The following UBALD1 variants were observed in gnomAD, a reference collection of about 807,000 sequenced individuals.
UBALD1 encodes UBA-like domain-containing protein 1.
In UBALD1, 5 loss-of-function variants were observed where a neutral mutation model predicts 16.1. The ratio of observed to expected loss-of-function variants is 0.31; its 90% CI spans 0.16 to 0.66. UBALD1 has a LOEUF of 0.66. UBALD1 is among the 30% of genes least tolerant of loss of function. UBALD1 has a pLI of 0.77. For synonymous variants in UBALD1, 146 were observed against 105.3 expected, an observed-to-expected ratio of 1.39 and a Z score of -2.37; for missense variants, 220 against 252.8, an observed-to-expected ratio of 0.87 and a Z score of 0.88.
intron 1 of UBALD1, among the ~76,000 whole-genome samples, chr16:4,611,849 C>T (rs1179164266): frequency 2.0e-5 from 3 of 152,076 alleles, no homozygotes; most frequent in Non-Finnish European, 4.4e-5. Context: ...TGAGGGAGCC[C>T]CACAAGTATT....
intron 2 of UBALD1, chr16:4,610,240 A>G (rs1156264359): frequency 4.2e-6 from 3 of 711,462 alleles, no homozygotes; most frequent in African/African-American, 3.5e-5. Context: ...CAGCCACAGC[A>G]TCCCCGGGGG....
In UBALD1 at chr16:4,610,445, C is replaced by T. The variant is rs762185397; in HGVS notation, c.183+48G>A. The T allele has an allele frequency of 4.8e-5, 75 of 1,556,374 alleles. 1 individual carries two copies. In the Admixed American group the frequency reaches 8.5e-4, roughly 18 times the overall value. On this transcript the variant is annotated intron_variant, in intron 2 of 2. Transcript: ENST00000283474. ...GGGCTGCTTATACACAGAACTAGCT[C>T]GGCCTCCTTCCGCCCAATCCAGAAC...
rs779089282 is a variant in UBALD1 at position 4,609,768 on chromosome 16, G to A, written c.399C>T (p.Gly133=). The change falls in exon 3 of 3, where the codon GGC becomes GGT. Residue 133 remains glycine, a synonymous_variant. Transcript: ENST00000283474. ...SWPTAASPPG[G]PQHHQPQPPL... is the part of the protein sequence containing the mutation. ...GCGGCTGTGGCTGGTGGTGCTGTGG[G>A]CCCCCCGGGGGCGAGGCCGCCGTGG... is the stretch of plus-strand genomic sequence containing the variant. 5 of 1,505,656 alleles carry A rather than the reference G, an allele frequency of 3.3e-6. No individual in the cohort carries two copies. The South Asian group carries it at 4.0e-5, about 12-fold the overall frequency. 93.3% of individuals were successfully genotyped at this position (1,505,656 alleles called of 1,614,324 possible).
chr16:4,614,839 G>T lies in UBALD1; in HGVS notation c.-42C>A. The T allele has an allele frequency of 6.9e-7, 1 of 1,456,044 alleles. No homozygotes were observed. 90.2% of individuals were successfully genotyped at this position (1,456,044 alleles called of 1,614,324 possible). A position where few individuals can be genotyped will look rare whatever the true frequency, so the allele number is the denominator to read the frequency against. On this transcript the variant is annotated 5_prime_UTR_variant, in exon 1 of 3. Coordinates refer to ENST00000283474, the MANE Select transcript of UBALD1 (RefSeq NM_145253.3). ...CCGCTCCGGCCTCCCTCCTCCGCCC[G>T]CGCCTCCGCCTCACGCGTCCACCAT...
At chr16:4,610,947 C>T (rs187100842) in intron 1 of UBALD1, 11 of 400,670 alleles carry the variant, frequency 2.7e-5, no homozygotes, top group African/African-American at 2.1e-5. Flanking sequence ...CACCCTGCCC[C>T]GTTTCAGGAG....
In UBALD1 at chr16:4,614,826, C is replaced by T; in HGVS notation, c.-29G>A. 6.8e-7 allele frequency: 1 copy of T among 1,480,168 alleles called. No individual in the cohort carries two copies. The highest frequency in any genetic ancestry group is 9.0e-7 in the Non-Finnish European group (1 of 1,116,196). The allele number at this position is 1,480,168 out of a possible 1,614,324, so 91.7% of individuals were successfully genotyped here. ...GCCGCCGCGCTGCCCGCTCCGGCCT[C>T]CCTCCTCCGCCCGCGCCTCCGCCTC... On this transcript the variant is annotated 5_prime_UTR_variant, in exon 1 of 3. Transcript: ENST00000283474.
At chr16:4,614,224 T>A (rs571130773) in intron 1 of UBALD1, 1 of 323,806 alleles carries the variant, frequency 3.1e-6, no homozygotes, top group Non-Finnish European at 5.6e-6. Context: ...CAAATGCACA[T>A]GGACGTGTGC....
rs1015519866 is a variant in UBALD1, at chr16:4,608,992, G to A, written c.*641C>T. On this transcript the variant is annotated 3_prime_UTR_variant, in exon 3 of 3. Coordinates refer to ENST00000283474, the MANE Select transcript of UBALD1 (RefSeq NM_145253.3). ...GGCAGCCCCAGCAGGCAGGCGCTGG[G>A]AGGCGGTGGGAAGAGTCCTGGAGTT... 2.0e-5 allele frequency: 3 copies of A among 152,200 alleles called. No homozygotes were observed. Among genetic ancestry groups the A allele is most frequent in the African/African-American group, 7.3e-5 (3 of 41,366 alleles). 9.4% of individuals were successfully genotyped at this position (152,200 alleles called of 1,614,324 possible).
Position 4,609,381 on chromosome 16 carries a change from T to G in UBALD1, c.*252A>C. On this transcript the variant is annotated 3_prime_UTR_variant, in exon 3 of 3. Transcript: ENST00000283474. The stretch of plus-strand genomic sequence containing the variant: ...AAGGAAGGCTGCGTGGTCTCTGAAG[T>G]TCTGTCCGCCAGGCACCCAGGCCGC... The G allele has an allele frequency of 2.7e-6, 1 of 374,150 alleles. No homozygotes were observed. The highest frequency in any genetic ancestry group is 4.7e-6 in the Non-Finnish European group (1 of 210,958). 23.2% of individuals were successfully genotyped at this position (374,150 alleles called of 1,614,324 possible).
intron 1 of UBALD1, chr16:4,610,795 C>T (rs886635996): frequency 5.8e-6 from 3 of 521,680 alleles, no homozygotes; most frequent in South Asian, 5.4e-5. Context: ...CCCTGCTGCT[C>T]GCCACCTGCC....
Position 4,610,496 on chromosome 16 carries a change from C to A in UBALD1, c.180G>T (p.Gln60His). The A allele has an allele frequency of 4.4e-6, 7 of 1,606,792 alleles. No homozygotes were observed. Among genetic ancestry groups the A allele is most frequent in the Non-Finnish European group, 6.0e-6 (7 of 1,176,386 alleles). Reference sequence around the variant, plus strand: ...TGGGGACTCCGGGGACACTTACCATCTGGTGGTGATGGTGGCTGTAGGGGA... The same window carrying A: ...TGGGGACTCCGGGGACACTTACCATATGGTGGTGATGGTGGCTGTAGGGGA... ...TNIPYSHHHH[Q>H]MMCTPANTPA... The change falls in exon 2 of 3, where the codon CAG (glutamine) becomes CAT (histidine). Residue 60 changes from glutamine to histidine, a missense_variant. Around this residue, in one of 2 missense-constraint regions of UBALD1, gnomAD observed 69 missense variants for 120.3 expected, o/e 0.57. Coordinates refer to ENST00000283474, the MANE Select transcript of UBALD1 (RefSeq NM_145253.3).
At chr16:4,610,471 T>TG (rs779685108) in intron 2 of UBALD1, 22 bp downstream of exon 2, 10 of 1,591,596 alleles carry the variant, frequency 6.3e-6, no homozygotes, top group Non-Finnish European at 8.6e-6. Flanking sequence ...AATCCAGAAC[T>TG]GGGGACTCCG....
At chr16:4,610,845 C>T (rs369784956) in intron 1 of UBALD1, 2 of 454,872 alleles carry the variant, frequency 4.4e-6, no homozygotes, top group African/African-American at 4.0e-5. Flanking sequence ...CCTGCACCAG[C>T]TGGCACCAGC....
At position 4,609,645 on chromosome 16, in the gene UBALD1, C is replaced by T. The variant is rs1381328111; in HGVS notation, c.522G>A (p.Glu174=). The change falls in exon 3 of 3, where the codon GAG becomes GAA. Residue 174 remains glutamate (E), a synonymous_variant. Coordinates refer to ENST00000283474, the MANE Select transcript of UBALD1 (RefSeq NM_145253.3). ...GGAGGGGCCTCCCTTATCTCTCTGC[C>T]TCCATGGCAGGGTGGGCCCTGGGTT... ...TSEPRAHPAM[E]AER 2.1e-6 allele frequency: 3 copies of T among 1,417,510 alleles called. No individual in the cohort carries two copies. Among genetic ancestry groups the T allele is most frequent in the South Asian group, 3.4e-5 (2 of 58,150 alleles). The allele number at this position is 1,417,510 out of a possible 1,614,324, so 87.8% of individuals were successfully genotyped here.
chr16:4,610,664 G>A (rs777695534), intron 1 of UBALD1, 109 bp from the exon 2 acceptor site: 1 of 1,256,640 alleles, frequency 8.0e-7, no homozygotes, highest in Non-Finnish European at 1.1e-6. Flanking sequence ...GGACTGCTGA[G>A]TGGGAGGGGT....
In UBALD1 at chr16:4,609,311, G is replaced by A. The variant is rs998032745; in HGVS notation, c.*322C>T. 5.9e-5 allele frequency: 16 copies of A among 271,598 alleles called. No individual in the cohort carries two copies. Among genetic ancestry groups the A allele is most frequent in the Non-Finnish European group, 9.7e-5 (14 of 144,902 alleles). The allele number at this position is 271,598 out of a possible 1,614,324, so 16.8% of individuals were successfully genotyped here. ...GATCAGCAATGTCTCTGCCAGGGTGGTCCTCCACGGCACCCCTGGGCTGGG... is the reference window on the plus strand; with the variant it reads ...GATCAGCAATGTCTCTGCCAGGGTGATCCTCCACGGCACCCCTGGGCTGGG... On this transcript the variant is annotated 3_prime_UTR_variant, in exon 3 of 3. Transcript: ENST00000283474.
At chr16:4,610,880 G>A (rs1897350610) in intron 1 of UBALD1, 4 of 435,698 alleles carry the variant, frequency 9.2e-6, no homozygotes, top group Non-Finnish European at 8.1e-6. Context: ...AGGGCGGGCA[G>A]TACACCCCAT....
At position 4,614,878 on chromosome 16, in the gene UBALD1, C is replaced by G; in HGVS notation, c.-81G>C. ...CGCGTCCACCATTAGCGAGCCGGCTCCGGCTAATACAAATATTTACTGTGC... is the reference window on the plus strand; with the variant it reads ...CGCGTCCACCATTAGCGAGCCGGCTGCGGCTAATACAAATATTTACTGTGC... On this transcript the variant is annotated 5_prime_UTR_variant, in exon 1 of 3. Transcript: ENST00000283474. 3.8e-6 allele frequency: 5 copies of G among 1,328,720 alleles called. No individual in the cohort carries two copies. Among genetic ancestry groups the G allele is most frequent in the South Asian group, 3.5e-5 (2 of 56,550 alleles). 82.3% of individuals were successfully genotyped at this position (1,328,720 alleles called of 1,614,324 possible).
rs1160570375 is a variant in UBALD1, at chr16:4,609,239, A to G, written c.*394T>C. 1 of 178,558 alleles carries G rather than the reference A, an allele frequency of 5.6e-6. No homozygotes were observed. The highest frequency in any genetic ancestry group is 1.2e-5 in the Non-Finnish European group (1 of 85,876). 11.1% of individuals were successfully genotyped at this position (178,558 alleles called of 1,614,324 possible). ...CATGCGGAGAGGCTCTGCATTCCCT[A>G]GGGTGGGGGTCGAGGCCTGCCGGCC... On this transcript the variant is annotated 3_prime_UTR_variant, in exon 3 of 3. Coordinates refer to ENST00000283474, the MANE Select transcript of UBALD1 (RefSeq NM_145253.3).
Sources: allele counts gnomAD v4.1 joint callset (sites outside exome capture counted in the v4.1 genomes callset), GRCh38; gene constraint gnomAD v4.1.1; regional missense constraint gnomAD v4.1.1; transcripts MANE v1.5; gene names NCBI Gene and HGNC (gene_info 2026-07-23, HGNC 2026-07-21).